The following HSD17B12 variants were observed in gnomAD, a reference collection of about 807,000 sequenced individuals.
The protein encoded by HSD17B12 is very-long-chain 3-oxoacyl-CoA reductase.
In HSD17B12, 32 loss-of-function variants were observed where a neutral mutation model predicts 39.3. That is an observed-to-expected ratio of 0.81 (90% CI 0.61 to 1.09). HSD17B12 has a LOEUF of 1.09. Among genes scored for constraint, HSD17B12 ranks in the 50% least tolerant of loss-of-function variants. The pLI is 0.00. For missense variants in HSD17B12, 342 were observed against 382.9 expected, an observed-to-expected ratio of 0.89 and a Z score of 0.89; for synonymous variants, 150 against 146.7, an observed-to-expected ratio of 1.02 and a Z score of -0.16.
chr11:43,617,435 A>C, the HSD17B12 span, among the ~76,000 whole-genome samples: 3 of 152,146 alleles, frequency 2.0e-5, no homozygotes, highest in Non-Finnish European at 4.4e-5. Flanking sequence ...GAGTGTCTCT[A>C]GGATGTTTGT....
At chr11:43,752,927 A>G (rs530928380) in intron 2 of HSD17B12, among the ~76,000 whole-genome samples, 5 of 152,260 alleles carry the variant, frequency 3.3e-5, no homozygotes, top group South Asian at 2.1e-4. Context: ...ATGTTCTTCC[A>G]TAGCTTCATT....
At chr11:43,708,178 A>G (rs1305039191) in intron 1 of HSD17B12, among the ~76,000 whole-genome samples, 5 of 152,204 alleles carry the variant, frequency 3.3e-5, no homozygotes, top group African/African-American at 1.2e-4. Context: ...ATAAAACATG[A>G]TATCCTGGGT....
chr11:43,783,264 C>T (rs917609361), intron 3 of HSD17B12, among the ~76,000 whole-genome samples: 1 of 152,066 alleles, frequency 6.6e-6, no homozygotes, highest in Non-Finnish European at 1.5e-5. Flanking sequence ...AATTATTCCT[C>T]AATGTTAATT....
intron 1 of HSD17B12, among the ~76,000 whole-genome samples, chr11:43,740,171 G>T (rs189236293): frequency 6.6e-6 from 1 of 152,254 alleles, no homozygotes; most frequent in East Asian, 1.9e-4. Flanking sequence ...AGAAAAAATG[G>T]TGTTTGAGAA....
chr11:43,719,901 C>T (rs528412850), intron 1 of HSD17B12, among the ~76,000 whole-genome samples: 17 of 152,172 alleles, frequency 1.1e-4, no homozygotes, highest in East Asian at 5.8e-4. Context: ...ACTTTTAGTA[C>T]GATAGTTTTC....
intron 1 of HSD17B12, among the ~76,000 whole-genome samples, chr11:43,745,362 T>G (rs978817920): frequency 3.3e-5 from 5 of 152,212 alleles, no homozygotes; most frequent in Non-Finnish European, 7.3e-5. Flanking sequence ...TGTAGTTTCA[T>G]TCTTCAGCAT....
the HSD17B12 span, among the ~76,000 whole-genome samples, chr11:43,564,715 T>A: frequency 6.6e-6 from 1 of 152,230 alleles, no homozygotes; most frequent in Non-Finnish European, 1.5e-5. Context: ...CAGATCAAAG[T>A]TGTTTTGACT....
At chr11:43,775,911 A>G (rs1193786907) in intron 3 of HSD17B12, among the ~76,000 whole-genome samples, 1 of 151,846 alleles carries the variant, frequency 6.6e-6, no homozygotes, top group Non-Finnish European at 1.5e-5. Context: ...TTCCAATTTC[A>G]TCCATGTCCC....
the HSD17B12 span, among the ~76,000 whole-genome samples, chr11:43,587,189 G>A: frequency 3.3e-5 from 5 of 151,950 alleles, no homozygotes; most frequent in African/African-American, 7.3e-5. Flanking sequence ...TCATGCATTC[G>A]TTCAACAAAT....
chr11:43,844,126 T>G (rs575118127), intron 9 of HSD17B12, among the ~76,000 whole-genome samples: 4 of 152,356 alleles, frequency 2.6e-5, no homozygotes, highest in Admixed American at 2.0e-4. Flanking sequence ...TTCCATTTTT[T>G]TCTAAGCCTT....
rs567170889 is a variant in HSD17B12, at chr11:43,704,716, G to C, written c.160+23729G>C. 7.2e-4 allele frequency among the ~76,000 whole-genome samples: 110 copies of C among 152,342 alleles called. 1 individual carries two copies. Among genetic ancestry groups the C allele is most frequent in the African/African-American group, 2.5e-3 (103 of 41,572 alleles). On this transcript the variant is annotated intron_variant, in intron 1 of 10. Coordinates refer to ENST00000278353, the MANE Select transcript of HSD17B12 (RefSeq NM_016142.3). The stretch of plus-strand genomic sequence containing the variant: ...GATATGAGAGGAGATTTGCTGGAGG[G>C]AGAGATTCTGAGAAGGCTTTCCGAG...
chr11:43,651,195 C>A, the HSD17B12 span, among the ~76,000 whole-genome samples: 10 of 152,134 alleles, frequency 6.6e-5, no homozygotes, highest in African/African-American at 2.2e-4. Context: ...AAATGTTGCC[C>A]ATGAAAGAAG....
the HSD17B12 span, among the ~76,000 whole-genome samples, chr11:43,615,108 G>T: frequency 2.0e-5 from 3 of 152,072 alleles, no homozygotes; most frequent in African/African-American, 7.2e-5. Flanking sequence ...GTTTTATTCT[G>T]TCAGGTGATT....
chr11:43,626,109 A>C, the HSD17B12 span, among the ~76,000 whole-genome samples: 73 of 151,540 alleles, frequency 4.8e-4, no homozygotes, highest in Admixed American at 1.1e-3. Flanking sequence ...TTTATTTTTA[A>C]TTTTTTTTAA....
chr11:43,761,196 C>T (rs1262212213), intron 3 of HSD17B12, among the ~76,000 whole-genome samples: 1 of 152,150 alleles, frequency 6.6e-6, no homozygotes, highest in African/African-American at 2.4e-5. Context: ...TTAAATGAAA[C>T]ATTTCTGTTA....
At chr11:43,804,487 C>T (rs1474494503) in intron 4 of HSD17B12, among the ~76,000 whole-genome samples, 1 of 152,124 alleles carries the variant, frequency 6.6e-6, no homozygotes, top group Non-Finnish European at 1.5e-5. Context: ...TCACTGATTG[C>T]CAAAGCTGGA....
At chr11:43,597,208 A>G in the HSD17B12 span, among the ~76,000 whole-genome samples, 1 of 152,362 alleles carries the variant, frequency 6.6e-6, no homozygotes, top group African/African-American at 2.4e-5. Context: ...TCAGTGGGTC[A>G]GGAGCATGTG....
intron 9 of HSD17B12, among the ~76,000 whole-genome samples, chr11:43,844,514 T>C (rs1239597333): frequency 6.6e-6 from 1 of 152,074 alleles, no homozygotes; most frequent in Non-Finnish European, 1.5e-5. Context: ...GTGTAGTCTG[T>C]TGATGAGGAC....
chr11:43,754,180 T>C, intron 3 of HSD17B12, 59 bp downstream of exon 3: 1 of 1,152,742 alleles, frequency 8.7e-7, no homozygotes, highest in Non-Finnish European at 1.3e-6. Context: ...CAAGCAGTTA[T>C]CCGATACTGA....
Sources: allele counts gnomAD v4.1 joint callset (sites outside exome capture counted in the v4.1 genomes callset), GRCh38; gene constraint gnomAD v4.1.1; transcripts MANE v1.5; gene names NCBI Gene and HGNC (gene_info 2026-07-23, HGNC 2026-07-21).